The following FBXO15 variants were observed in gnomAD, a reference collection of about 807,000 sequenced individuals.
FBXO15 encodes F-box protein 15, also known as F-box only protein 15.
Under a neutral mutation model 49.5 loss-of-function variants are expected in FBXO15, and 30 were observed. That is an observed-to-expected ratio of 0.61 (90% confidence interval 0.45 to 0.82). The LOEUF (loss-of-function observed/expected upper bound fraction) is 0.82, where lower values mean the gene tolerates loss of function less well. FBXO15 is among the 40% of genes least tolerant of loss of function. The pLI is 0.00. For synonymous variants in FBXO15, 250 were observed against 232.7 expected (o/e 1.07, Z -0.68); for missense variants, 591 against 631.5 (o/e 0.94, Z 0.69).
chr18:74,082,834 G>T (rs1402166260), intron 8 of FBXO15, among the ~76,000 whole-genome samples: 1 of 152,196 alleles, frequency 6.6e-6, no homozygotes, highest in Non-Finnish European at 1.5e-5. Context: ...TCCAGAGATG[G>T]AAGTCTGAAC....
intron 8 of FBXO15, among the ~76,000 whole-genome samples, chr18:74,100,897 G>A (rs1913487877): frequency 6.6e-6 from 1 of 152,052 alleles, no homozygotes; most frequent in Non-Finnish European, 1.5e-5. Context: ...AACAAGCAGT[G>A]AGATTGAAAT....
chr18:74,109,569 G>A (rs151228661), intron 8 of FBXO15, among the ~76,000 whole-genome samples: 2,470 of 152,152 alleles, frequency 0.016, 61 homozygotes, highest in African/African-American at 0.056. Flanking sequence ...GCAAAGACTT[G>A]GAACCAACCC....
At chr18:74,111,478 G>C (rs1914031255) in intron 8 of FBXO15, among the ~76,000 whole-genome samples, 1 of 151,980 alleles carries the variant, frequency 6.6e-6, no homozygotes, top group Non-Finnish European at 1.5e-5. Context: ...AAAATGTTTT[G>C]AAGTAAATGA....
In FBXO15 at chr18:74,129,293, T is replaced by C. The variant is rs993082922; in HGVS notation, c.785+112A>G. 5 of 853,206 alleles carry C rather than the reference T, an allele frequency of 5.9e-6. No homozygotes were observed. The African/African-American group carries it at 6.8e-5, about 12-fold the overall frequency. 52.9% of individuals were successfully genotyped at this position (853,206 alleles called of 1,614,324 possible). ...GCATTAATGCAGAATGTACATTTAA[T>C]ATGTGATAAAATTAAAAAACGCTGC... On this transcript the variant is annotated intron_variant, in intron 5 of 9. Transcript: ENST00000419743.
Position 74,147,828 on chromosome 18 carries a change from G to C in FBXO15, c.-43C>G, listed in dbSNP as rs3813115. 2.2e-4 allele frequency: 327 copies of C among 1,469,380 alleles called. 1 individual carries two copies. The South Asian group carries it at 2.3e-3, about 10-fold the overall frequency. The allele number at this position is 1,469,380 out of a possible 1,614,324, so 91.0% of individuals were successfully genotyped here. ...CACAGGACCGCGCCAGGGCTGAAAC[G>C]AAGAGTGCACGCACCGCCCCCACGC... is the stretch of plus-strand genomic sequence containing the variant. On this transcript the variant is annotated 5_prime_UTR_variant, in exon 1 of 10. Coordinates refer to ENST00000419743, the MANE Select transcript of FBXO15 (RefSeq NM_001142958.2).
At chr18:74,081,345 G>C (rs1352972053) in intron 9 of FBXO15, among the ~76,000 whole-genome samples, 2 of 152,190 alleles carry the variant, frequency 1.3e-5, no homozygotes, top group Non-Finnish European at 2.9e-5. Flanking sequence ...ACCAGGAGCA[G>C]CCATGGGCAC....
intron 5 of FBXO15, 50 bp from the exon 6 acceptor site, chr18:74,126,151 C>A (rs1190893208): frequency 6.2e-7 from 1 of 1,604,560 alleles, no homozygotes; most frequent in African/African-American, 1.3e-5. Flanking sequence ...GCTTTCCTGT[C>A]CATAGTGTTG....
chr18:74,073,495 G>A lies in FBXO15; in HGVS notation c.1499C>T (p.Ala500Val). 6.2e-7 allele frequency: 1 copy of A among 1,613,038 alleles called. No homozygotes were observed. Among genetic ancestry groups the A allele is most frequent in the Non-Finnish European group, 8.5e-7 (1 of 1,179,762 alleles). ...IVNLVLYLSIAKINHWFGTEY is the reference protein window; with the variant it reads ...IVNLVLYLSIVKINHWFGTEY ...AGTCCCAAACCAATGGTTGATTTTT[G>A]CGATACTAAGATAAAGGACCAGGTT... The change falls in exon 10 of 10, where the codon GCA becomes GTA. Residue 500 changes from alanine to valine, a missense_variant. By Grantham distance (64) the Ala-to-Val change is moderately conservative. Coordinates refer to ENST00000419743, the MANE Select transcript of FBXO15 (RefSeq NM_001142958.2).
chr18:74,091,821 T>C (rs1913040875), intron 8 of FBXO15, among the ~76,000 whole-genome samples: 1 of 152,194 alleles, frequency 6.6e-6, no homozygotes, highest in African/African-American at 2.4e-5. Flanking sequence ...TGTTTTTTCT[T>C]TCATTTTGAC....
rs146660749 is a variant in FBXO15, at chr18:74,095,591, A to G, written c.1139-13540T>C. Reference sequence around the variant, plus strand: ...ATGGGCACTGTCTGAGGTGCCCCAAAACAGTTACAATAGTAACATCAAAGA... The same window carrying G: ...ATGGGCACTGTCTGAGGTGCCCCAAGACAGTTACAATAGTAACATCAAAGA... On this transcript the variant is annotated intron_variant, in intron 8 of 9. Coordinates refer to ENST00000419743, the MANE Select transcript of FBXO15 (RefSeq NM_001142958.2). Among the ~76,000 whole-genome samples, 348 of 152,342 alleles carry G rather than the reference A, an allele frequency of 2.3e-3. 3 individuals are homozygous for G. Among genetic ancestry groups the G allele is most frequent in the Admixed American group, 0.021 (321 of 15,302 alleles).
At chr18:74,141,345 G>T (rs376097594) in intron 1 of FBXO15, among the ~76,000 whole-genome samples, 1 of 152,308 alleles carries the variant, frequency 6.6e-6, no homozygotes, top group South Asian at 2.1e-4. Context: ...AGGTTTGGAA[G>T]CTTCTGCTTT....
chr18:74,111,603 T>C (rs1914035191), intron 8 of FBXO15, among the ~76,000 whole-genome samples: 1 of 151,902 alleles, frequency 6.6e-6, no homozygotes, highest in African/African-American at 2.4e-5. Context: ...AAATCAACAA[T>C]GTAAGCTTTC....
rs367985722 is a variant in FBXO15 at position 74,126,096 on chromosome 18, C to T, written c.791G>A (p.Arg264Gln). The T allele has an allele frequency of 1.3e-5, 21 of 1,613,522 alleles. No individual in the cohort carries two copies. The highest frequency in any genetic ancestry group is 5.0e-5 in the Admixed American group (3 of 60,012). ...GTACTTTGCAATTAAAGAATGCCATCGGAGTCTTTGAACGTTATGCCAAGG... is the reference window on the plus strand; with the variant it reads ...GTACTTTGCAATTAAAGAATGCCATTGGAGTCTTTGAACGTTATGCCAAGG... Reference protein sequence around the residue: ...WYKTPTKHRLRWHSLIAKYNL... With the variant: ...WYKTPTKHRLQWHSLIAKYNL... The change falls in exon 6 of 10, where the codon CGA (arginine) becomes CAA (glutamine). Residue 264 changes from arginine to glutamine, a missense_variant. Transcript: ENST00000419743.
intron 5 of FBXO15, 71 bp from the exon 6 acceptor site, chr18:74,126,172 T>A: frequency 5.1e-6 from 8 of 1,580,144 alleles, no homozygotes; most frequent in Non-Finnish European, 6.9e-6. Flanking sequence ...TCAATTCTCT[T>A]TAGTGTATCA....
intron 8 of FBXO15, among the ~76,000 whole-genome samples, chr18:74,120,132 T>G (rs1208482208): frequency 6.6e-6 from 1 of 152,196 alleles, no homozygotes; most frequent in Non-Finnish European, 1.5e-5. Flanking sequence ...ATGTACACAG[T>G]GTGTACTTAG....
intron 8 of FBXO15, among the ~76,000 whole-genome samples, chr18:74,115,220 T>C (rs1276582842): frequency 6.6e-6 from 1 of 152,150 alleles, no homozygotes; most frequent in African/African-American, 2.4e-5. Context: ...TGCCTCAAAA[T>C]GGATGACTGC....
At chr18:74,145,932 A>C (rs1949064770) in intron 1 of FBXO15, among the ~76,000 whole-genome samples, 4 of 152,204 alleles carry the variant, frequency 2.6e-5, no homozygotes, top group African/African-American at 9.7e-5. Flanking sequence ...CATAATTAAC[A>C]AATCAGCAAG....
intron 1 of FBXO15, 152 bp downstream of exon 1, chr18:74,147,518 T>C: frequency 2.4e-6 from 3 of 1,256,448 alleles, no homozygotes; most frequent in Non-Finnish European, 3.0e-6. Context: ...TAGAAAGGAT[T>C]TCCTCCGGTC....
rs754511097 is a variant in FBXO15 at position 74,135,887 on chromosome 18, A to G, written c.228-21T>C. ...GCATTCTGCAAAAACAGAAAAAGAA[A>G]AAAAAAATCACCAGAGTGGACCAGG... On this transcript the variant is annotated intron_variant, in intron 2 of 9. Coordinates refer to ENST00000419743, the MANE Select transcript of FBXO15 (RefSeq NM_001142958.2). 31 of 1,589,808 alleles carry G rather than the reference A, an allele frequency of 1.9e-5. No individual in the cohort carries two copies. In the East Asian group the frequency reaches 6.9e-4, roughly 36 times the overall value.
Sources: gnomAD v4.1 joint callset for allele counts (sites outside exome capture counted in the v4.1 genomes callset) on GRCh38, gnomAD v4.1.1 for gene constraint, MANE v1.5 for transcripts, NCBI Gene and HGNC (gene_info 2026-07-23, HGNC 2026-07-21) for gene names.